The following ATG2B variants were observed in gnomAD, a reference collection of about 807,000 sequenced individuals.
ATG2B encodes the protein autophagy-related protein 2 homolog B.
ATG2B carries 121 observed loss-of-function variants against 241.3 expected under a neutral mutation model. The observed-to-expected ratio is 0.50, with a 90% CI of 0.43 to 0.58. The LOEUF (loss-of-function observed/expected upper bound fraction) is 0.58. Among genes scored for constraint, ATG2B ranks in the 20% least tolerant of loss-of-function variants. The probability of loss-of-function intolerance (pLI) is 0.00; values close to 1 mark genes in which losing one functional copy is unlikely to be tolerated. For synonymous variants in ATG2B, 858 were observed against 876.6 expected, an observed-to-expected ratio of 0.98 and a Z score of 0.37; for missense variants, 2,306 against 2,491.6, an observed-to-expected ratio of 0.93 and a Z score of 1.59.
chr14:96,352,160 A>G (rs575876737), intron 1 of ATG2B, among the ~76,000 whole-genome samples: 17 of 152,192 alleles, frequency 1.1e-4, no homozygotes, highest in African/African-American at 2.9e-4. Context: ...CCTTAGTGAC[A>G]TCGCAGCCAT....
Position 96,290,401 on chromosome 14 carries a change from C to G in ATG2B, c.5856+35G>C. The G allele has an allele frequency of 6.3e-7, 1 of 1,595,530 alleles. No homozygotes were observed. Among genetic ancestry groups the G allele is most frequent in the South Asian group, 1.1e-5 (1 of 89,062 alleles). On this transcript the variant is annotated intron_variant, in intron 40 of 41. Transcript: ENST00000359933. This position sits in a 1 kb window ranked among gnomAD's most constrained non-coding sequence, Gnocchi z 4.4. Reference sequence around the variant, plus strand: ...AGGACCCAACCATTTCACAATGGCTCTTTTTGGATAGACTAAGGCAGTCTA... The same window carrying G: ...AGGACCCAACCATTTCACAATGGCTGTTTTTGGATAGACTAAGGCAGTCTA...
chr14:96,301,913 A>T, intron 34 of ATG2B, 94 bp downstream of exon 34: 1 of 1,008,700 alleles, frequency 9.9e-7, no homozygotes, highest in Non-Finnish European at 1.5e-6. Flanking sequence ...TAACCGCCAT[A>T]AAAGTTCAAT....
chr14:96,331,076 A>T (rs1887718047), intron 11 of ATG2B, among the ~76,000 whole-genome samples: 1 of 152,246 alleles, frequency 6.6e-6, no homozygotes. Flanking sequence ...ATAGGGATGA[A>T]GGCAAAATGT....
chr14:96,317,970 T>A, intron 18 of ATG2B, 115 bp from the exon 19 acceptor site: 2 of 695,174 alleles, frequency 2.9e-6, no homozygotes, highest in East Asian at 5.5e-5. Flanking sequence ...AACGGCAAAA[T>A]GGAAATTAGA....
intron 34 of ATG2B, among the ~76,000 whole-genome samples, chr14:96,295,907 G>A (rs1307979823): frequency 6.6e-6 from 1 of 152,198 alleles, no homozygotes; most frequent in Admixed American, 6.5e-5. Flanking sequence ...CTCACTCTTG[G>A]CCCTGGCTCT....
chr14:96,352,817 T>C (rs1478947333), intron 1 of ATG2B, among the ~76,000 whole-genome samples: 1 of 152,050 alleles, frequency 6.6e-6, no homozygotes, highest in Non-Finnish European at 1.5e-5. Context: ...TCTTTATTAA[T>C]ATAGTCTAGC....
rs550976185 is a variant in ATG2B, at chr14:96,313,154, G to C, written c.3753C>G (p.Pro1251=). ...HLWSCALDYR[P]LYLPIRSLLT... The stretch of plus-strand genomic sequence containing the variant: ...GAAGAGATCGGATTGGCAAATAAAG[G>C]GGTCTAATGCCAAAGAGAAACAAAA... Residue 1251 remains proline, a synonymous_variant, in exon 25 of 42, where the codon CCC becomes CCG. Coordinates refer to ENST00000359933, the MANE Select transcript of ATG2B (RefSeq NM_018036.7). The C allele has an allele frequency of 1.9e-6, 3 of 1,610,548 alleles. No homozygotes were observed. Among genetic ancestry groups the C allele is most frequent in the Non-Finnish European group, 2.5e-6 (3 of 1,177,104 alleles).
intron 18 of ATG2B, among the ~76,000 whole-genome samples, chr14:96,321,049 C>T (rs1181866481): frequency 6.6e-6 from 1 of 152,014 alleles, no homozygotes; most frequent in Non-Finnish European, 1.5e-5. Context: ...ACATTTTCTT[C>T]CTATACCAGA....
chr14:96,315,931 TA>T (rs1387312220), intron 21 of ATG2B, among the ~76,000 whole-genome samples: 1 of 152,126 alleles, frequency 6.6e-6, no homozygotes, highest in African/African-American at 2.4e-5. Flanking sequence ...TAAAGAAGAA[TA>T]AAGAACATAT....
chr14:96,333,761 A>C lies in ATG2B; in HGVS notation c.1134T>G (p.Asp378Glu), dbSNP rs1887800534. 1.2e-6 allele frequency: 2 copies of C among 1,613,914 alleles called. No individual in the cohort carries two copies. The highest frequency in any genetic ancestry group is 1.3e-5 in the African/African-American group (1 of 75,042). The part of the protein sequence containing the change: ...MELNRYYLRK[D>E]SLSVGVSSEQ... ...CTGAAGATACACCCACAGAGAGGGA[A>C]TCTTTTCTCAAATAATACCGGTTTA... The change falls in exon 8 of 42, where the codon GAT (aspartate) becomes GAG (glutamate). Residue 378 changes from aspartate (D) to glutamate (E), a missense_variant. Around this residue, in one of 2 missense-constraint regions of ATG2B, gnomAD observed 1,927 missense variants for 2,011.2 expected, o/e 0.96. Coordinates refer to ENST00000359933, the MANE Select transcript of ATG2B (RefSeq NM_018036.7).
intron 15 of ATG2B, among the ~76,000 whole-genome samples, chr14:96,324,923 A>C (rs1171204679): frequency 6.6e-6 from 1 of 152,104 alleles, no homozygotes; most frequent in Non-Finnish European, 1.5e-5. Flanking sequence ...GTGGTTGCGG[A>C]GAGAGGGTGT....
At chr14:96,356,169 TCAA>T in intron 1 of ATG2B, among the ~76,000 whole-genome samples, 1 of 29,368 alleles carries the variant, frequency 3.4e-5, no homozygotes, top group Middle Eastern at 0.018. Flanking sequence ...AGAATGCGGC[TCAA>T]AAAAAAAAAA....
rs769695418 is a variant in ATG2B, at chr14:96,305,583, A to G, written c.4733+6T>C. 1 of 1,575,930 alleles carries G rather than the reference A, an allele frequency of 6.3e-7. No individual in the cohort carries two copies. Among genetic ancestry groups the G allele is most frequent in the Non-Finnish European group, 8.7e-7 (1 of 1,149,000 alleles). ...CCCAAATAAACTTATATAGAAATTA[A>G]CTTACATATAACTTTTAGCCGGAGA... On this transcript the variant is annotated splice_donor_region_variant and intron_variant, in intron 31 of 41. Transcript: ENST00000359933.
At chr14:96,323,081 T>C (rs982599872) in intron 16 of ATG2B, among the ~76,000 whole-genome samples, 4 of 152,230 alleles carry the variant, frequency 2.6e-5, no homozygotes, top group Admixed American at 6.5e-5. Flanking sequence ...TGTTCTGCTA[T>C]AATAAATTAC....
At chr14:96,295,727 C>CCACACACACA (rs59902412) in intron 34 of ATG2B, among the ~76,000 whole-genome samples, 167 bp from the exon 35 acceptor site, 6,970 of 145,810 alleles carry the variant, frequency 0.048, 324 homozygotes, top group East Asian at 0.17. Context: ...CTTCCCCCCA[C>CCACACACACA]CACACACACA....
rs74689517 is a variant in ATG2B at position 96,325,914 on chromosome 14, A to G, written c.2172T>C (p.Ala724=). The stretch of plus-strand genomic sequence containing the variant: ...AATCATCTAGAAACACTTCAGTGAA[A>G]GCCTTGTGCTAAAACACAAAACATC... ...SYNKHISLHK[A]FTEVFLDDSH... The change falls in exon 15 of 42, where the codon GCT becomes GCC. Residue 724 remains alanine (A), a synonymous_variant. Transcript: ENST00000359933. 3 of 1,610,314 alleles carry G rather than the reference A, an allele frequency of 1.9e-6. No homozygotes were observed. The highest frequency in any genetic ancestry group is 8.5e-7 in the Non-Finnish European group (1 of 1,178,554).
Position 96,332,672 on chromosome 14 carries a change from T to TA in ATG2B, c.1208-18dup. ...CTTCTTCTTCTAGAGAGAATTAAACTATGTCACTTGTATTATAATCCCACC... is the reference window on the plus strand; with the variant it reads ...CTTCTTCTTCTAGAGAGAATTAAACTAATGTCACTTGTATTATAATCCCACC... On this transcript the variant is annotated splice_polypyrimidine_tract_variant and intron_variant, in intron 8 of 41. Coordinates refer to ENST00000359933, the MANE Select transcript of ATG2B (RefSeq NM_018036.7). The TA allele has an allele frequency of 1.3e-6, 2 of 1,529,152 alleles. No homozygotes were observed. Among genetic ancestry groups the TA allele is most frequent in the South Asian group, 2.7e-5 (2 of 74,054 alleles). 94.7% of individuals were successfully genotyped at this position (1,529,152 alleles called of 1,614,324 possible).
At chr14:96,331,115 A>G (rs2139880247) in intron 11 of ATG2B, among the ~76,000 whole-genome samples, 1 of 152,382 alleles carries the variant, frequency 6.6e-6, no homozygotes, top group East Asian at 1.9e-4. Context: ...AGAGCTGGGC[A>G]GGGAACTAAA....
rs1887523989 is a variant in ATG2B, at chr14:96,323,959, A to C, written c.2477T>G (p.Phe826Cys). ...QEEKGDPSIK[F>C]FHVSSGVDGD... ...ATCTACTCCACTAGACACATGGAAA[A>C]ACTTAATAGATGGATCTCCTTTCTC... Residue 826 changes from phenylalanine (F) to cysteine (C), a missense_variant, in exon 16 of 42, where the codon TTT becomes TGT. By Grantham distance (205) the Phe-to-Cys change is radical. Coordinates refer to ENST00000359933, the MANE Select transcript of ATG2B (RefSeq NM_018036.7). 1 of 1,610,790 alleles carries C rather than the reference A, an allele frequency of 6.2e-7. No individual in the cohort carries two copies. Among genetic ancestry groups the C allele is most frequent in the East Asian group, 2.2e-5 (1 of 44,776 alleles).
Sources: allele counts gnomAD v4.1 joint callset (sites outside exome capture counted in the v4.1 genomes callset), GRCh38; gene constraint gnomAD v4.1.1; regional missense constraint gnomAD v4.1.1; non-coding constraint Gnocchi (gnomAD v3.1); transcripts MANE v1.5; gene names NCBI Gene and HGNC (gene_info 2026-07-23, HGNC 2026-07-21).